The following RALGPS1 variants were observed in gnomAD, a reference collection of about 807,000 sequenced individuals.
RALGPS1 encodes the protein ras-specific guanine nucleotide-releasing factor RalGPS1.
RALGPS1 carries 19 observed loss-of-function variants against 78.8 expected under a neutral mutation model. The ratio of observed to expected loss-of-function variants is 0.24; its 90% CI spans 0.17 to 0.35. RALGPS1 has a LOEUF of 0.35. Ranked by LOEUF, RALGPS1 falls within the 10% of genes least tolerant of loss-of-function variation. RALGPS1 has a pLI of 1.00. For synonymous variants in RALGPS1, 228 were observed against 256.3 expected (o/e 0.89, Z 1.06); for missense variants, 454 against 688.3 (o/e 0.66, Z 3.81).
chr9:127,117,830 C>T lies in RALGPS1; in HGVS notation c.611-48239C>T, dbSNP rs184114906. On this transcript the variant is annotated intron_variant, in intron 8 of 18. Coordinates refer to ENST00000259351, the MANE Select transcript of RALGPS1 (RefSeq NM_014636.3). ...TGGAGTGGGACCACCTCAGGCAGGA[C>T]TTTAAGGATTCTTGGAGCTGGGCAG... Among the ~76,000 whole-genome samples, 15 of 152,328 alleles carry T rather than the reference C, an allele frequency of 9.8e-5. No homozygotes were observed. In the East Asian group the frequency reaches 1.3e-3, roughly 14 times the overall value.
chr9:127,121,527 A>G (rs7045790), intron 8 of RALGPS1, among the ~76,000 whole-genome samples: 10,209 of 152,322 alleles, frequency 0.067, 429 homozygotes, highest in Middle Eastern at 0.16. Flanking sequence ...GAGCTGACCC[A>G]TGACACACAT....
rs1199105486 is a variant in RALGPS1, at chr9:127,212,117, T to C, written c.1248-14T>C. 1 of 1,602,144 alleles carries C rather than the reference T, an allele frequency of 6.2e-7. No individual in the cohort carries two copies. On this transcript the variant is annotated splice_polypyrimidine_tract_variant and intron_variant, in intron 14 of 18. Coordinates refer to ENST00000259351, the MANE Select transcript of RALGPS1 (RefSeq NM_014636.3). The surrounding 1 kb of genome is among the most constrained non-coding windows in gnomAD (Gnocchi z 6.0). ...CTCCTCCAGGGCGATGTCTGACTGGTAGTCTCTCCTCAGCCCCACCGGCCC... is the reference window on the plus strand; with the variant it reads ...CTCCTCCAGGGCGATGTCTGACTGGCAGTCTCTCCTCAGCCCCACCGGCCC...
intron 8 of RALGPS1, among the ~76,000 whole-genome samples, chr9:127,130,525 T>C (rs982567695): frequency 1.3e-5 from 2 of 152,230 alleles, no homozygotes; most frequent in African/African-American, 4.8e-5. Context: ...AGTCCTTTAG[T>C]CAAAGAAGTA....
intron 1 of RALGPS1, among the ~76,000 whole-genome samples, chr9:126,933,436 G>A (rs893057225): frequency 6.6e-6 from 1 of 152,216 alleles, no homozygotes; most frequent in African/African-American, 2.4e-5. Context: ...GGTCAAAGCT[G>A]TTCTGAAGAT....
intron 5 of RALGPS1, among the ~76,000 whole-genome samples, chr9:127,034,880 A>C (rs966536407): frequency 1.3e-5 from 2 of 151,640 alleles, no homozygotes; most frequent in African/African-American, 4.9e-5. Context: ...GATATACCTT[A>C]TCTCTCTCCT....
intron 4 of RALGPS1, among the ~76,000 whole-genome samples, chr9:127,033,009 A>G (rs2046556592): frequency 6.6e-6 from 1 of 152,246 alleles, no homozygotes; most frequent in Non-Finnish European, 1.5e-5. Flanking sequence ...TGTGGTGAGA[A>G]TTACATGAGA....
At chr9:127,209,766 C>T (rs2062137093) in intron 14 of RALGPS1, among the ~76,000 whole-genome samples, 1 of 152,130 alleles carries the variant, frequency 6.6e-6, no homozygotes, top group African/African-American at 2.4e-5. Flanking sequence ...GTACGATGTA[C>T]CTGCTGCAAT....
intron 6 of RALGPS1, 102 bp from the exon 7 acceptor site, chr9:127,052,745 G>A (rs1459052350): frequency 1.6e-5 from 12 of 730,496 alleles, no homozygotes; most frequent in Admixed American, 1.2e-4. Context: ...ATATTTTTAA[G>A]TGTAATTGAA....
chr9:127,168,939 C>T (rs576161368), intron 10 of RALGPS1, among the ~76,000 whole-genome samples, 167 bp downstream of exon 10: 2 of 152,330 alleles, frequency 1.3e-5, no homozygotes, highest in East Asian at 3.9e-4. Flanking sequence ...CACAAGCACA[C>T]GCGTGCAGTG....
At chr9:127,093,639 C>A in intron 8 of RALGPS1, 2 of 1,463,608 alleles carry the variant, frequency 1.4e-6, no homozygotes, top group South Asian at 1.3e-5. Context: ...TCAGCATGTA[C>A]CTCTGAGTGG....
At position 127,218,020 on chromosome 9, in the gene RALGPS1, A is replaced by T. The variant is rs2062667475; in HGVS notation, c.1645-720A>T. 6.6e-6 allele frequency among the ~76,000 whole-genome samples: 1 copy of T among 152,024 alleles called. No homozygotes were observed. The highest frequency in any genetic ancestry group is 2.1e-4 in the South Asian group (1 of 4,824). On this transcript the variant is annotated intron_variant, in intron 18 of 18. Transcript: ENST00000259351. The surrounding 1 kb of genome is among the most constrained non-coding windows in gnomAD (Gnocchi z 4.4). ...ACTGTCTCCTGGTACATGGAGATGC[A>T]TTTTTTTCCTAATTCATAGTTTGAC...
intron 8 of RALGPS1, among the ~76,000 whole-genome samples, chr9:127,109,238 T>A (rs912209351): frequency 2.0e-5 from 3 of 152,230 alleles, no homozygotes; most frequent in Admixed American, 2.0e-4. Context: ...TTTCCCCTTG[T>A]AATACCCATC....
chr9:127,050,850 T>C (rs2048248806), intron 6 of RALGPS1, among the ~76,000 whole-genome samples: 1 of 152,194 alleles, frequency 6.6e-6, no homozygotes, highest in South Asian at 2.1e-4. Context: ...CATGTGTGCA[T>C]GTGTTGTCTT....
chr9:126,982,925 CTTCTTTTTT>C (rs2041436592), intron 4 of RALGPS1, among the ~76,000 whole-genome samples: 1 of 54,574 alleles, frequency 1.8e-5, no homozygotes, highest in Admixed American at 2.2e-4. Flanking sequence ...TCTTCTTCTT[CTTCTTTTTT>C]TTTTTTTTTT....
chr9:127,214,371 C>T (rs750465101), intron 17 of RALGPS1, among the ~76,000 whole-genome samples: 2 of 152,074 alleles, frequency 1.3e-5, no homozygotes, highest in African/African-American at 2.4e-5. Flanking sequence ...AGTATCGGAC[C>T]GTACTAGATC....
chr9:127,034,332 T>C (rs2046676699), intron 4 of RALGPS1, 99 bp from the exon 5 acceptor site: 2 of 1,088,864 alleles, frequency 1.8e-6, no homozygotes, highest in African/African-American at 1.5e-5. Context: ...GTGTCAGCCC[T>C]TTCCCACCTT....
intron 1 of RALGPS1, among the ~76,000 whole-genome samples, chr9:126,924,926 G>A (rs1466237789): frequency 1.3e-5 from 2 of 152,150 alleles, no homozygotes; most frequent in Non-Finnish European, 2.9e-5. Context: ...GGGAGTTCAA[G>A]ACTAGCCTGA....
chr9:127,220,637 A>G lies in RALGPS1; in HGVS notation c.*1868A>G, dbSNP rs1039469708. 1 of 152,216 alleles carries G rather than the reference A, an allele frequency of 6.6e-6. No homozygotes were observed. The highest frequency in any genetic ancestry group is 1.5e-5 in the Non-Finnish European group (1 of 68,028). The allele number at this position is 152,216 out of a possible 1,614,324, so 9.4% of individuals were successfully genotyped here. On this transcript the variant is annotated 3_prime_UTR_variant, in exon 19 of 19. Coordinates refer to ENST00000259351, the MANE Select transcript of RALGPS1 (RefSeq NM_014636.3). The stretch of plus-strand genomic sequence containing the variant: ...ATCTAGAGGCTGAATGACAATGCCA[A>G]ACACTCCACCTCTGATCAGAACCAT...
rs3780320 is a variant in RALGPS1 at position 127,214,340 on chromosome 9, T to G, written c.1553-411T>G. On this transcript the variant is annotated intron_variant, in intron 17 of 18. Coordinates refer to ENST00000259351, the MANE Select transcript of RALGPS1 (RefSeq NM_014636.3). ...TACAGACATTTCAAAATGTCACTTA[T>G]GCTCATCTCTTTTACAGTGCAGTAT... is the stretch of plus-strand genomic sequence containing the variant. Among the ~76,000 whole-genome samples, 912 of 152,384 alleles carry G rather than the reference T, an allele frequency of 6.0e-3. 24 individuals are homozygous for G. The East Asian group carries it at 0.087, about 15-fold the overall frequency.
Sources: allele counts gnomAD v4.1 joint callset (sites outside exome capture counted in the v4.1 genomes callset), GRCh38; gene constraint gnomAD v4.1.1; non-coding constraint Gnocchi (gnomAD v3.1); transcripts MANE v1.5; gene names NCBI Gene and HGNC (gene_info 2026-07-23, HGNC 2026-07-21).